NOX4: variants seen among roughly 807,000 people sequenced by gnomAD.
NOX4 encodes kidney oxidase-1.
A neutral mutation model predicts 87.6 loss-of-function variants in NOX4; 69 were observed. The ratio of observed to expected loss-of-function variants is 0.79; its 90% CI spans 0.65 to 0.96. The LOEUF (loss-of-function observed/expected upper bound fraction) is 0.96. Among genes scored for constraint, NOX4 ranks in the 40% least tolerant of loss-of-function variants. The pLI is 0.00. For synonymous variants in NOX4, 275 were observed against 238.2 expected (o/e 1.15, Z -1.42); for missense variants, 680 against 681.5 (o/e 1.00, Z 0.02).
At chr11:89,529,994 AT>A in the NOX4 span, among the ~76,000 whole-genome samples, 1 of 152,172 alleles carries the variant, frequency 6.6e-6, no homozygotes, top group South Asian at 2.1e-4. Flanking sequence ...AATGGCAAAT[AT>A]CAGTTTTTAG....
At chr11:89,529,532 A>G in the NOX4 span, among the ~76,000 whole-genome samples, 2 of 152,194 alleles carry the variant, frequency 1.3e-5, no homozygotes, top group Admixed American at 6.5e-5. Context: ...CCTAAAGCCA[A>G]GGTTACTTGT....
chr11:89,475,111 T>C (rs1010492958), intron 2 of NOX4, among the ~76,000 whole-genome samples: 2 of 151,980 alleles, frequency 1.3e-5, no homozygotes, highest in African/African-American at 2.4e-5. Context: ...AAATCTAATG[T>C]GATATTTATG....
chr11:89,576,787 G>C, the NOX4 span: 3 of 151,510 alleles, frequency 2.0e-5, no homozygotes, highest in African/African-American at 4.8e-5. Flanking sequence ...TTTTTTTTTA[G>C]TTTTACAAAT....
intron 11 of NOX4, among the ~76,000 whole-genome samples, chr11:89,389,585 C>T (rs1361419288): frequency 1.3e-5 from 2 of 152,086 alleles, no homozygotes; most frequent in Non-Finnish European, 2.9e-5. Flanking sequence ...TATGGACAAT[C>T]GAAAGCTTTC....
At chr11:89,339,135 T>C (rs1445483303) in intron 15 of NOX4, among the ~76,000 whole-genome samples, 1 of 152,128 alleles carries the variant, frequency 6.6e-6, no homozygotes. Flanking sequence ...AAGAGGTATA[T>C]ATAATGATAT....
intron 13 of NOX4, among the ~76,000 whole-genome samples, chr11:89,348,640 C>G (rs1013595524): frequency 6.6e-6 from 1 of 151,948 alleles, no homozygotes; most frequent in East Asian, 1.9e-4. Context: ...TATTCTAGGC[C>G]CTGTCCACAT....
Position 89,343,477 on chromosome 11 carries a change from A to G in NOX4, c.1218-1284T>C, listed in dbSNP as rs369408665. Among the ~76,000 whole-genome samples, 31 of 149,058 alleles carry G rather than the reference A, an allele frequency of 2.1e-4. No individual in the cohort carries two copies. The East Asian group carries it at 5.1e-3, about 24-fold the overall frequency. ...TTTCATTTGATTTTTTTTTTTTTGT[A>G]CCAGGAGAGAGAAAATTTTGCTTTT... On this transcript the variant is annotated intron_variant, in intron 13 of 17. Transcript: ENST00000263317.
chr11:89,557,765 G>T, the NOX4 span, among the ~76,000 whole-genome samples: 1 of 152,096 alleles, frequency 6.6e-6, no homozygotes, highest in Non-Finnish European at 1.5e-5. Context: ...AATTACATGG[G>T]ATGGGGGTTA....
chr11:89,431,587 G>A (rs1943786061), intron 7 of NOX4, among the ~76,000 whole-genome samples: 1 of 152,052 alleles, frequency 6.6e-6, no homozygotes, highest in African/African-American at 2.4e-5. Flanking sequence ...GCAGCCAAAA[G>A]ACACATGAAA....
chr11:89,586,173 T>C, the NOX4 span, among the ~76,000 whole-genome samples: 3 of 151,968 alleles, frequency 2.0e-5, no homozygotes, highest in East Asian at 5.8e-4. Context: ...ACCAAAATGA[T>C]CACTCAAATT....
chr11:89,465,779 T>C (rs1945664616), intron 2 of NOX4, among the ~76,000 whole-genome samples: 1 of 152,076 alleles, frequency 6.6e-6, no homozygotes, highest in South Asian at 2.1e-4. Context: ...AAATGTCTTC[T>C]TTTAAGAAGT....
intron 11 of NOX4, among the ~76,000 whole-genome samples, chr11:89,375,613 T>A (rs1939781644): frequency 6.6e-6 from 1 of 152,276 alleles, no homozygotes; most frequent in Admixed American, 6.5e-5. Flanking sequence ...CAGCCCACAC[T>A]GTGATTTTTA....
chr11:89,444,152 C>G lies in NOX4; in HGVS notation c.430G>C (p.Ala144Pro). The change falls in exon 5 of 18, where the codon GCA (alanine) becomes CCA (proline). Residue 144 changes from alanine to proline, a missense_variant. Ala to Pro is a conservative substitution (Grantham distance 27, BLOSUM62 -1). Transcript: ENST00000263317. ...YSEDFVELNA[A>P]RYRDEDPRKL... ...CCACCCACCTCATCTCGGTATCTTG[C>G]TGCATTCAGTTCAACAAAGTCTTCA... is the stretch of plus-strand genomic sequence containing the variant. 6.2e-7 allele frequency: 1 copy of G among 1,613,444 alleles called. No individual in the cohort carries two copies.
At chr11:89,375,892 C>G (rs967855268) in intron 11 of NOX4, among the ~76,000 whole-genome samples, 1 of 152,158 alleles carries the variant, frequency 6.6e-6, no homozygotes, top group African/African-American at 2.4e-5. Context: ...GAATGGAAGG[C>G]AAAGAATGTT....
intron 11 of NOX4, among the ~76,000 whole-genome samples, chr11:89,376,552 C>A (rs1420692791): frequency 1.3e-5 from 2 of 152,064 alleles, no homozygotes; most frequent in African/African-American, 4.8e-5. Flanking sequence ...TAAAAAGTTA[C>A]AGTATAATAT....
chr11:89,363,595 G>A (rs1280633216), intron 12 of NOX4, among the ~76,000 whole-genome samples: 1 of 151,820 alleles, frequency 6.6e-6, no homozygotes, highest in Non-Finnish European at 1.5e-5. Flanking sequence ...TTATTTCTAG[G>A]GATTTAAAGA....
At chr11:89,413,915 T>C (rs1942621759) in intron 8 of NOX4, among the ~76,000 whole-genome samples, 1 of 152,054 alleles carries the variant, frequency 6.6e-6, no homozygotes, top group Admixed American at 6.6e-5. Flanking sequence ...TATGTATTCA[T>C]AAAAATTAAA....
upstream of NOX4, among the ~76,000 whole-genome samples, chr11:89,501,894 G>A (rs1306127128): frequency 6.6e-6 from 1 of 152,068 alleles, no homozygotes; most frequent in South Asian, 2.1e-4. Context: ...ACAGCTGGGT[G>A]CTTTTCAGTT....
intron 6 of NOX4, among the ~76,000 whole-genome samples, chr11:89,438,916 TAAAATATATATA>T (rs1565294327): frequency 1.6e-4 from 11 of 67,876 alleles, no homozygotes; most frequent in Non-Finnish European, 2.9e-4. Context: ...ATATATAATA[TAAAATATATATA>T]ATAATATAAT....
Sources: allele counts gnomAD v4.1 joint callset (sites outside exome capture counted in the v4.1 genomes callset), GRCh38; gene constraint gnomAD v4.1.1; transcripts MANE v1.5; gene names NCBI Gene and HGNC (gene_info 2026-07-23, HGNC 2026-07-21).